LRRC4C: variants seen among roughly 807,000 people sequenced by gnomAD.
The protein encoded by LRRC4C is leucine rich repeat containing 4C, also known as leucine-rich repeat-containing protein 4C.
Under a neutral mutation model 33.6 loss-of-function variants are expected in LRRC4C, and 5 were observed. The observed-to-expected ratio is 0.15, with a 90% CI of 0.08 to 0.31. The LOEUF is 0.31. LRRC4C is among the 10% of genes least tolerant of loss of function. The pLI is 1.00. For synonymous variants in LRRC4C, 329 were observed against 302.0 expected, an observed-to-expected ratio of 1.09 and a Z score of -0.93; for missense variants, 560 against 796.7, an observed-to-expected ratio of 0.70 and a Z score of 3.58.
At chr11:41,366,285 T>G (rs1426815136) in intron 1 of LRRC4C, among the ~76,000 whole-genome samples, 1 of 152,060 alleles carries the variant, frequency 6.6e-6, no homozygotes, top group Non-Finnish European at 1.5e-5. Context: ...AAATTACTTA[T>G]TCCTGCCAGT....
chr11:40,775,877 G>A (rs967553363), intron 2 of LRRC4C, among the ~76,000 whole-genome samples: 1 of 152,124 alleles, frequency 6.6e-6, no homozygotes, highest in Non-Finnish European at 1.5e-5. Context: ...AATGTTTTCT[G>A]CTTTTGACTG....
rs557372878 is a variant in LRRC4C at position 40,762,677 on chromosome 11, G to C, written c.-406-114399C>G. On this transcript the variant is annotated intron_variant, in intron 2 of 6. Coordinates refer to ENST00000528697, the MANE Select transcript of LRRC4C (RefSeq NM_001258419.2). ...GTATGAGATGCATACCTCAGTCTTT[G>C]CCAAAGAAGGAGATATGAGAAGTTG... Among the ~76,000 whole-genome samples, 4 of 152,202 alleles carry C rather than the reference G, an allele frequency of 2.6e-5. No individual in the cohort carries two copies. The East Asian group carries it at 7.7e-4, about 29-fold the overall frequency.
At chr11:41,357,235 C>T (rs1253755902) in intron 1 of LRRC4C, among the ~76,000 whole-genome samples, 1 of 152,006 alleles carries the variant, frequency 6.6e-6, no homozygotes, top group Non-Finnish European at 1.5e-5. Context: ...TCTCTCTGAC[C>T]TTAATGCTCT....
At chr11:40,542,719 A>T (rs571012953) in intron 3 of LRRC4C, among the ~76,000 whole-genome samples, 2 of 151,942 alleles carry the variant, frequency 1.3e-5, no homozygotes, top group African/African-American at 2.4e-5. Flanking sequence ...CCCTTCAAGG[A>T]TGTGTATGGC....
At chr11:41,013,279 C>G (rs1202205069) in intron 1 of LRRC4C, among the ~76,000 whole-genome samples, 1 of 152,168 alleles carries the variant, frequency 6.6e-6, no homozygotes. Flanking sequence ...TGCTTTTAAC[C>G]TGTGTCTTTA....
chr11:40,918,042 T>C (rs529978070), intron 2 of LRRC4C, among the ~76,000 whole-genome samples: 2 of 152,244 alleles, frequency 1.3e-5, no homozygotes, highest in East Asian at 3.9e-4. Context: ...CAGAAGTAAC[T>C]CAATATCAGT....
chr11:41,353,294 A>C (rs1405921316), intron 1 of LRRC4C, among the ~76,000 whole-genome samples: 2 of 152,156 alleles, frequency 1.3e-5, no homozygotes, highest in Non-Finnish European at 2.9e-5. Flanking sequence ...TCCTGGAAAC[A>C]TACAAACTCC....
intron 5 of LRRC4C, among the ~76,000 whole-genome samples, chr11:40,143,880 C>T (rs921964858): frequency 1.3e-5 from 2 of 152,082 alleles, no homozygotes; most frequent in Non-Finnish European, 2.9e-5. Flanking sequence ...AAAGTAGCCC[C>T]ATTTTATAGG....
At chr11:40,227,658 T>C (rs1343132934) in intron 5 of LRRC4C, among the ~76,000 whole-genome samples, 1 of 152,074 alleles carries the variant, frequency 6.6e-6, no homozygotes, top group African/African-American at 2.4e-5. Flanking sequence ...TTATTCCTTG[T>C]TGAGAGCAGA....
At chr11:41,010,268 C>T (rs1855077788) in intron 1 of LRRC4C, among the ~76,000 whole-genome samples, 1 of 152,142 alleles carries the variant, frequency 6.6e-6, no homozygotes, top group Non-Finnish European at 1.5e-5. Flanking sequence ...CCAGTTGATA[C>T]TTGTTAGTCA....
intron 1 of LRRC4C, among the ~76,000 whole-genome samples, chr11:41,303,242 C>A (rs1376912523): frequency 1.3e-5 from 2 of 148,764 alleles, no homozygotes; most frequent in African/African-American, 4.9e-5. Context: ...CGATTGCAGG[C>A]ACGCGCCGCC....
intron 1 of LRRC4C, among the ~76,000 whole-genome samples, chr11:41,360,605 T>C (rs1459975400): frequency 1.3e-5 from 2 of 152,162 alleles, no homozygotes; most frequent in African/African-American, 2.4e-5. Flanking sequence ...TAAGTCGAGA[T>C]TGGATGAATG....
chr11:41,196,446 T>C (rs1035723562), intron 1 of LRRC4C, among the ~76,000 whole-genome samples: 15 of 152,094 alleles, frequency 9.9e-5, no homozygotes, highest in Admixed American at 7.9e-4. Flanking sequence ...CAGTGATGAT[T>C]TGCAGTTTTC....
intron 2 of LRRC4C, among the ~76,000 whole-genome samples, chr11:40,905,856 A>G (rs1956390725): frequency 1.3e-5 from 2 of 152,222 alleles, no homozygotes; most frequent in African/African-American, 4.8e-5. Context: ...AGAATATTAC[A>G]TGAACTTAGT....
rs142320698 is a variant in LRRC4C, at chr11:40,932,286, T to G, written c.-407+1349A>C. On this transcript the variant is annotated intron_variant, in intron 2 of 6. Transcript: ENST00000528697. Reference sequence around the variant, plus strand: ...GCTCCTATCATTTTAGATGCTGTGTTAGATACTGGAAATGCAATGCACAAT... The same window carrying G: ...GCTCCTATCATTTTAGATGCTGTGTGAGATACTGGAAATGCAATGCACAAT... Among the ~76,000 whole-genome samples, 174 of 152,252 alleles carry G rather than the reference T, an allele frequency of 1.1e-3. 1 individual carries two copies. Among genetic ancestry groups the G allele is most frequent in the African/African-American group, 4.1e-3 (170 of 41,544 alleles).
intron 2 of LRRC4C, among the ~76,000 whole-genome samples, chr11:40,861,591 T>A (rs953993311): frequency 6.6e-6 from 1 of 152,068 alleles, no homozygotes; most frequent in Admixed American, 6.5e-5. Flanking sequence ...ATTGTAAGTA[T>A]GAAAAATCAA....
intron 1 of LRRC4C, among the ~76,000 whole-genome samples, chr11:41,128,471 C>T (rs1428789207): frequency 6.6e-6 from 1 of 152,006 alleles, no homozygotes; most frequent in African/African-American, 2.4e-5. Flanking sequence ...ATAGTAGGTG[C>T]TGAATAAAGT....
rs1454028684 is a variant in LRRC4C, at chr11:41,380,286, A to T, written c.-496+79145T>A. Among the ~76,000 whole-genome samples, 4 of 152,282 alleles carry T rather than the reference A, an allele frequency of 2.6e-5. No homozygotes were observed. The East Asian group carries it at 7.8e-4, about 30-fold the overall frequency. On this transcript the variant is annotated intron_variant, in intron 1 of 6. Coordinates refer to ENST00000528697, the MANE Select transcript of LRRC4C (RefSeq NM_001258419.2). ...TCTAGAAATTAAGAGAGAGGGAAGAATTGTATCAAGAATCACTTTTGCCAG... is the reference window on the plus strand; with the variant it reads ...TCTAGAAATTAAGAGAGAGGGAAGATTTGTATCAAGAATCACTTTTGCCAG...
intron 1 of LRRC4C, among the ~76,000 whole-genome samples, chr11:40,955,038 A>G (rs1958896290): frequency 6.6e-6 from 1 of 151,846 alleles, no homozygotes; most frequent in Non-Finnish European, 1.5e-5. Context: ...TAGAAGATGA[A>G]ACATCATCTC....
Sources: allele counts gnomAD v4.1 joint callset (sites outside exome capture counted in the v4.1 genomes callset), GRCh38; gene constraint gnomAD v4.1.1; transcripts MANE v1.5; gene names NCBI Gene and HGNC (gene_info 2026-07-23, HGNC 2026-07-21).